Variants in KCNIP4 observed in about 807,000 individuals in gnomAD.
The protein encoded by KCNIP4 is Kv channel-interacting protein 4.
Under a neutral mutation model 34.0 loss-of-function variants are expected in KCNIP4, and 12 were observed. That is an observed-to-expected ratio of 0.35 (90% CI 0.23 to 0.57). KCNIP4 has a LOEUF of 0.57. KCNIP4 is among the 20% of genes least tolerant of loss of function. The probability of loss-of-function intolerance (pLI) is 0.83; values close to 1 mark genes in which losing one functional copy is unlikely to be tolerated. For missense variants in KCNIP4, 238 were observed against 311.7 expected, an observed-to-expected ratio of 0.76 and a Z score of 1.78; for synonymous variants, 124 against 102.2, an observed-to-expected ratio of 1.21 and a Z score of -1.29.
At chr4:21,230,527 G>C (rs1206452732) in intron 1 of KCNIP4, among the ~76,000 whole-genome samples, 1 of 152,010 alleles carries the variant, frequency 6.6e-6, no homozygotes, top group Non-Finnish European at 1.5e-5. Context: ...GAGAGTCAGG[G>C]GAGTGGGGGA....
intron 1 of KCNIP4, among the ~76,000 whole-genome samples, chr4:21,494,431 A>G (rs1732669928): frequency 6.6e-6 from 1 of 152,174 alleles, no homozygotes. Context: ...AACAAAATTT[A>G]CATTATTTAG....
intron 1 of KCNIP4, among the ~76,000 whole-genome samples, chr4:21,855,430 C>A (rs898147154): frequency 6.6e-6 from 1 of 152,190 alleles, no homozygotes; most frequent in Non-Finnish European, 1.5e-5. Flanking sequence ...AGCAATGGTA[C>A]CAGCGCATCC....
At chr4:20,762,937 CCTT>C (rs1302540731) in intron 3 of KCNIP4, among the ~76,000 whole-genome samples, 2 of 112,906 alleles carry the variant, frequency 1.8e-5, no homozygotes, top group South Asian at 3.5e-4. Context: ...AAGGAAGGCA[CCTT>C]CTTCACAAGG....
chr4:21,886,560 G>A lies in KCNIP4; in HGVS notation c.61+62011C>T, dbSNP rs114645360. Reference sequence around the variant, plus strand: ...AGGGAGCTATAAACAGTTCCCACAGGGGGTGAGAGACAGGGTCTACATAAA... The same window carrying A: ...AGGGAGCTATAAACAGTTCCCACAGAGGGTGAGAGACAGGGTCTACATAAA... On this transcript the variant is annotated intron_variant, in intron 1 of 8. Coordinates refer to ENST00000382152, the MANE Select transcript of KCNIP4 (RefSeq NM_025221.6). Among the ~76,000 whole-genome samples, 669 of 152,194 alleles carry A rather than the reference G, an allele frequency of 4.4e-3. 8 individuals carry two copies. The highest frequency in any genetic ancestry group is 3.9e-3 in the Non-Finnish European group (262 of 67,998).
intron 1 of KCNIP4, among the ~76,000 whole-genome samples, chr4:21,290,833 A>G (rs558872237): frequency 3.5e-4 from 54 of 152,306 alleles, no homozygotes; most frequent in Non-Finnish European, 6.8e-4. Context: ...TGACCTGGCA[A>G]GCAACAACTA....
chr4:21,253,238 G>T (rs1343498132), intron 1 of KCNIP4, among the ~76,000 whole-genome samples: 1 of 152,144 alleles, frequency 6.6e-6, no homozygotes, highest in African/African-American at 2.4e-5. Context: ...CTCCTTCTCA[G>T]ATCACTGTGA....
At chr4:20,918,081 A>ATTAC (rs1056765933) in intron 1 of KCNIP4, among the ~76,000 whole-genome samples, 3 of 152,226 alleles carry the variant, frequency 2.0e-5, no homozygotes, top group African/African-American at 7.2e-5. Flanking sequence ...TTCTTTGTGA[A>ATTAC]TTACTTACAG....
chr4:20,849,403 C>T (rs773424293), intron 3 of KCNIP4, among the ~76,000 whole-genome samples: 3 of 152,120 alleles, frequency 2.0e-5, no homozygotes, highest in Admixed American at 6.5e-5. Flanking sequence ...GTGTGCAATG[C>T]GCATGCAGAA....
At chr4:21,648,762 T>C (rs1747234475) in intron 1 of KCNIP4, among the ~76,000 whole-genome samples, 1 of 152,188 alleles carries the variant, frequency 6.6e-6, no homozygotes, top group South Asian at 2.1e-4. Context: ...AGTAGGGTTG[T>C]TTAGAAAGGA....
At chr4:20,864,207 C>T (rs1416394180) in intron 2 of KCNIP4, among the ~76,000 whole-genome samples, 7 of 138,160 alleles carry the variant, frequency 5.1e-5, no homozygotes, top group South Asian at 4.8e-4. Flanking sequence ...TATGTACACA[C>T]ATGCATGTAT....
intron 1 of KCNIP4, among the ~76,000 whole-genome samples, chr4:21,462,387 G>A (rs967706289): frequency 1.3e-5 from 2 of 152,076 alleles, no homozygotes; most frequent in Non-Finnish European, 2.9e-5. Context: ...AGCTTCTGCA[G>A]GAAAACTCCC....
chr4:21,585,246 G>A (rs1021875114), intron 1 of KCNIP4, among the ~76,000 whole-genome samples: 2 of 152,014 alleles, frequency 1.3e-5, no homozygotes, highest in Non-Finnish European at 2.9e-5. Context: ...GACATTCAGA[G>A]AGCTTATGCT....
At chr4:20,868,792 C>T (rs529786742) in intron 2 of KCNIP4, among the ~76,000 whole-genome samples, 4 of 152,010 alleles carry the variant, frequency 2.6e-5, no homozygotes, top group Non-Finnish European at 5.9e-5. Flanking sequence ...ATTGAACACG[C>T]ATGGAAATAA....
chr4:20,934,847 C>A (rs896598565), intron 1 of KCNIP4, among the ~76,000 whole-genome samples: 2 of 152,220 alleles, frequency 1.3e-5, no homozygotes, highest in Non-Finnish European at 2.9e-5. Flanking sequence ...GCAATTTATT[C>A]TCTCACAGCC....
intron 1 of KCNIP4, among the ~76,000 whole-genome samples, chr4:21,576,768 A>ATTAT (rs1740768403): frequency 6.6e-6 from 1 of 152,152 alleles, no homozygotes; most frequent in Non-Finnish European, 1.5e-5. Context: ...TGCTATGATA[A>ATTAT]TAATTATCTT....
chr4:21,879,767 C>T (rs983846989), intron 1 of KCNIP4, among the ~76,000 whole-genome samples: 4 of 152,008 alleles, frequency 2.6e-5, no homozygotes, highest in Admixed American at 2.6e-4. Flanking sequence ...GCTGTGTCCT[C>T]ACCCAAATCT....
chr4:20,882,858 G>GA (rs1724853728), intron 1 of KCNIP4, 149 bp from the exon 2 acceptor site: 3 of 404,528 alleles, frequency 7.4e-6, no homozygotes, highest in Non-Finnish European at 1.3e-5. Flanking sequence ...ACCCCCGAAA[G>GA]GAAAAAAAAA....
chr4:21,012,835 T>C lies in KCNIP4; in HGVS notation c.62-130126A>G, dbSNP rs547047522. Among the ~76,000 whole-genome samples the C allele has an allele frequency of 1.7e-3, 254 of 152,310 alleles. 1 individual carries two copies. Among genetic ancestry groups the C allele is most frequent in the African/African-American group, 5.8e-3 (240 of 41,570 alleles). On this transcript the variant is annotated intron_variant, in intron 1 of 8. Transcript: ENST00000382152. The stretch of plus-strand genomic sequence containing the variant: ...ATGTTTCTCACAGTCTTATTGGTGA[T>C]GGGATAATGACCAGTTGGCCATGAT...
intron 1 of KCNIP4, among the ~76,000 whole-genome samples, chr4:21,259,385 TAG>T (rs1026722194): frequency 3.2e-4 from 48 of 152,308 alleles, no homozygotes; most frequent in African/African-American, 1.0e-3. Flanking sequence ...TACATCTGGT[TAG>T]AGTTTTTTTG....
Sources: gnomAD v4.1 joint callset for allele counts (sites outside exome capture counted in the v4.1 genomes callset) on GRCh38, gnomAD v4.1.1 for gene constraint, MANE v1.5 for transcripts, NCBI Gene and HGNC (gene_info 2026-07-23, HGNC 2026-07-21) for gene names.